AGAP1: variants seen among roughly 807,000 people sequenced by gnomAD.
AGAP1 encodes the protein arf-GAP with GTPase, ANK repeat and PH domain-containing protein 1.
A neutral mutation model predicts 105.3 loss-of-function variants in AGAP1; 29 were observed. The observed-to-expected ratio is 0.28, with a 90% CI of 0.21 to 0.38. The LOEUF is 0.38. AGAP1 is among the 10% of genes least tolerant of loss of function. The pLI, the probability that AGAP1 is intolerant of heterozygous loss-of-function variation, is 1.00. For synonymous variants in AGAP1, 509 were observed against 485.9 expected, an observed-to-expected ratio of 1.05 and a Z score of -0.63; for missense variants, 998 against 1,165.1, an observed-to-expected ratio of 0.86 and a Z score of 2.09.
chr2:236,036,245 G>T lies in AGAP1; in HGVS notation c.1646-316G>T, dbSNP rs2057378163. ...CACAGATAAGGATGGTCAGCCATGA[G>T]TTACATGGTTATTCTCCTAAGTTGC... On this transcript the variant is annotated intron_variant, in intron 13 of 17. Coordinates refer to ENST00000304032, the MANE Select transcript of AGAP1 (RefSeq NM_001037131.3). The surrounding 1 kb of genome is among the most constrained non-coding windows in gnomAD (Gnocchi z 5.7). 6.6e-6 allele frequency among the ~76,000 whole-genome samples: 1 copy of T among 152,204 alleles called. No homozygotes were observed. The highest frequency in any genetic ancestry group is 1.5e-5 in the Non-Finnish European group (1 of 68,048).
chr2:235,985,639 G>A (rs1432659108), intron 13 of AGAP1, among the ~76,000 whole-genome samples: 1 of 152,194 alleles, frequency 6.6e-6, no homozygotes, highest in Non-Finnish European at 1.5e-5. Flanking sequence ...GTGTAAGGAA[G>A]GGGTCCAGTT....
At chr2:236,032,486 C>G (rs568946089) in intron 13 of AGAP1, among the ~76,000 whole-genome samples, 8 of 152,178 alleles carry the variant, frequency 5.3e-5, no homozygotes, top group African/African-American at 1.9e-4. Context: ...AGAGGGGGGT[C>G]AGTGAGAAAG....
intron 9 of AGAP1, among the ~76,000 whole-genome samples, chr2:235,876,149 T>C (rs1352467997): frequency 6.6e-6 from 1 of 152,222 alleles, no homozygotes. Flanking sequence ...GTTCTCTAGC[T>C]TCCTCATTTG....
intron 1 of AGAP1, chr2:235,507,670 C>T (rs1327252816): frequency 2.0e-5 from 3 of 152,114 alleles, no homozygotes; most frequent in African/African-American, 7.2e-5. Flanking sequence ...GTGGTAGGAC[C>T]CTCATTTGTC....
chr2:235,785,482 C>T (rs895452736), intron 6 of AGAP1, among the ~76,000 whole-genome samples: 2 of 152,154 alleles, frequency 1.3e-5, no homozygotes, highest in African/African-American at 4.8e-5. Flanking sequence ...TACATTTTCC[C>T]TTCTTTAGAA....
rs1263031643 is a variant in AGAP1 at position 235,976,697 on chromosome 2, G to T, written c.1645+8074G>T. On this transcript the variant is annotated intron_variant, in intron 13 of 17. Coordinates refer to ENST00000304032, the MANE Select transcript of AGAP1 (RefSeq NM_001037131.3). The surrounding 1 kb of genome is among the most constrained non-coding windows in gnomAD (Gnocchi z 4.5). ...CCATCAGGACACACATAGACCAGTG[G>T]AGAAAGCAGAAACACGCCGGGGAAC... 1.3e-5 allele frequency among the ~76,000 whole-genome samples: 2 copies of T among 152,164 alleles called. No homozygotes were observed. Among genetic ancestry groups the T allele is most frequent in the South Asian group, 4.1e-4 (2 of 4,824 alleles).
intron 1 of AGAP1, among the ~76,000 whole-genome samples, chr2:235,568,564 G>A (rs1471259096): frequency 1.3e-5 from 2 of 152,174 alleles, no homozygotes; most frequent in East Asian, 1.9e-4. Context: ...AGGAGAAGCT[G>A]TGTATGTGTT....
At chr2:236,011,416 A>T (rs1211644686) in intron 13 of AGAP1, among the ~76,000 whole-genome samples, 1 of 152,248 alleles carries the variant, frequency 6.6e-6, no homozygotes, top group Non-Finnish European at 1.5e-5. Context: ...TTTCATGTCC[A>T]TTGAGATTCG....
intron 13 of AGAP1, among the ~76,000 whole-genome samples, chr2:236,016,886 A>T (rs1239258906): frequency 3.3e-5 from 5 of 152,164 alleles, no homozygotes; most frequent in African/African-American, 1.2e-4. Context: ...GTTCAAGGTC[A>T]TGTATGAATT....
chr2:235,995,560 A>T (rs1178880578), intron 13 of AGAP1, among the ~76,000 whole-genome samples: 5 of 152,036 alleles, frequency 3.3e-5, no homozygotes, highest in Non-Finnish European at 5.9e-5. Context: ...AAGAAGAAAG[A>T]CCCTCTGTGC....
intron 1 of AGAP1, among the ~76,000 whole-genome samples, chr2:235,683,514 C>G (rs996808436): frequency 6.7e-5 from 10 of 150,026 alleles, no homozygotes; most frequent in Non-Finnish European, 1.5e-4. Flanking sequence ...ACAAATAAAA[C>G]TTATAGATTA....
chr2:235,527,412 T>G (rs1286630737), intron 1 of AGAP1, among the ~76,000 whole-genome samples: 1 of 152,180 alleles, frequency 6.6e-6, no homozygotes, highest in African/African-American at 2.4e-5. Context: ...ACTCTGTTGC[T>G]TAGGCTAGAG....
chr2:236,070,445 G>A (rs780555809), intron 16 of AGAP1, among the ~76,000 whole-genome samples: 9 of 152,160 alleles, frequency 5.9e-5, no homozygotes, highest in South Asian at 2.1e-4. Flanking sequence ...ACCCCTAGGC[G>A]TATCCACAAG....
intron 1 of AGAP1, among the ~76,000 whole-genome samples, chr2:235,628,613 A>G (rs1186478472): frequency 1.3e-5 from 2 of 151,606 alleles, no homozygotes; most frequent in Non-Finnish European, 2.9e-5. Context: ...AGGGGGAGCC[A>G]TTGCCCACCT....
chr2:235,586,224 C>T lies in AGAP1; in HGVS notation c.163+91375C>T, dbSNP rs540587608. Reference sequence around the variant, plus strand: ...ACACAAAGAGGGTGAGCCCTCAGCCCGCCATACGGGCATGTTATCCAGAAG... The same window carrying T: ...ACACAAAGAGGGTGAGCCCTCAGCCTGCCATACGGGCATGTTATCCAGAAG... On this transcript the variant is annotated intron_variant, in intron 1 of 17. Coordinates refer to ENST00000304032, the MANE Select transcript of AGAP1 (RefSeq NM_001037131.3). The surrounding 1 kb of genome is among the most constrained non-coding windows in gnomAD (Gnocchi z 4.2). Among the ~76,000 whole-genome samples the T allele has an allele frequency of 4.6e-5, 7 of 152,304 alleles. No individual in the cohort carries two copies. The highest frequency in any genetic ancestry group is 2.1e-4 in the South Asian group (1 of 4,820).
intron 16 of AGAP1, among the ~76,000 whole-genome samples, chr2:236,110,253 T>C (rs563022797): frequency 1.3e-5 from 2 of 152,302 alleles, no homozygotes; most frequent in South Asian, 4.1e-4. Flanking sequence ...CCCAGCACTT[T>C]GGGAGGCCAA....
intron 13 of AGAP1, among the ~76,000 whole-genome samples, chr2:235,998,392 A>G (rs2055907489): frequency 6.6e-6 from 1 of 152,200 alleles, no homozygotes; most frequent in South Asian, 2.1e-4. Context: ...AGGAGTGAGA[A>G]GATGGATGCC....
intron 1 of AGAP1, among the ~76,000 whole-genome samples, chr2:235,505,177 T>C (rs1941742133): frequency 6.6e-6 from 1 of 152,256 alleles, no homozygotes; most frequent in South Asian, 2.1e-4. Flanking sequence ...CCTTCATAGT[T>C]ACGTATTAGC....
chr2:235,761,965 C>T (rs777899862), intron 6 of AGAP1, among the ~76,000 whole-genome samples: 8 of 151,812 alleles, frequency 5.3e-5, no homozygotes, highest in African/African-American at 7.3e-5. Flanking sequence ...AAAAATTAGC[C>T]GGGTGTAATG....
Sources: allele counts gnomAD v4.1 joint callset (sites outside exome capture counted in the v4.1 genomes callset), GRCh38; gene constraint gnomAD v4.1.1; non-coding constraint Gnocchi (gnomAD v3.1); transcripts MANE v1.5; gene names NCBI Gene and HGNC (gene_info 2026-07-23, HGNC 2026-07-21).